The following ADAMTSL1 variants were observed in gnomAD, a reference collection of about 807,000 sequenced individuals.
ADAMTSL1 encodes the protein ADAMTS like 1.
Under a neutral mutation model 201.8 loss-of-function variants are expected in ADAMTSL1, and 126 were observed. That is an observed-to-expected ratio of 0.62 (90% CI 0.54 to 0.72). ADAMTSL1 has a LOEUF of 0.72. Among genes scored for constraint, ADAMTSL1 ranks in the 30% least tolerant of loss-of-function variants. The pLI is 0.00. For synonymous variants in ADAMTSL1, 1,121 were observed against 903.4 expected (o/e 1.24, Z -4.32); for missense variants, 2,679 against 2,277.8 (o/e 1.18, Z -3.59).
At chr9:18,647,054 C>T (rs1199510724) in intron 7 of ADAMTSL1, among the ~76,000 whole-genome samples, 3 of 152,014 alleles carry the variant, frequency 2.0e-5, no homozygotes, top group African/African-American at 4.8e-5. Flanking sequence ...TTGATTATTG[C>T]CACAATTTCA....
Position 18,293,661 on chromosome 9 carries a change from T to C in ADAMTSL1, c.207+129680T>C, listed in dbSNP as rs576043636. Among the ~76,000 whole-genome samples the C allele has an allele frequency of 7.2e-5, 11 of 152,330 alleles. No homozygotes were observed. The South Asian group carries it at 1.9e-3, about 26-fold the overall frequency. ...GGAAGATAAGACACTGAGCACTTCA[T>C]ATGCAATTTGGCCTTATTTCCCCTC... On this transcript the variant is annotated intron_variant, in intron 2 of 29. Transcript: ENST00000680146.
At chr9:18,506,387 A>G (rs2185376) in intron 2 of ADAMTSL1, among the ~76,000 whole-genome samples, 1,538 of 152,316 alleles carry the variant, frequency 0.01, 21 homozygotes, top group African/African-American at 0.031. Flanking sequence ...GCATCCTTGA[A>G]TATTTTATAG....
chr9:18,565,443 T>A (rs1315266510), intron 3 of ADAMTSL1, among the ~76,000 whole-genome samples: 3 of 152,160 alleles, frequency 2.0e-5, no homozygotes, highest in African/African-American at 7.2e-5. Context: ...ACTTGAGAGT[T>A]TGGGGGAAAA....
chr9:18,732,965 C>G (rs1486031035), intron 15 of ADAMTSL1, among the ~76,000 whole-genome samples: 1 of 152,206 alleles, frequency 6.6e-6, no homozygotes, highest in African/African-American at 2.4e-5. Context: ...CCTATCCTAA[C>G]TTTACAGCTG....
intron 1 of ADAMTSL1, among the ~76,000 whole-genome samples, chr9:18,033,784 G>A (rs1452634167): frequency 2.0e-5 from 3 of 152,180 alleles, no homozygotes; most frequent in East Asian, 3.9e-4. Flanking sequence ...CAGCCCTTGA[G>A]TATACCCATT....
intron 25 of ADAMTSL1, among the ~76,000 whole-genome samples, chr9:18,890,235 G>C (rs902077166): frequency 6.6e-6 from 1 of 152,222 alleles, no homozygotes; most frequent in South Asian, 2.1e-4. Context: ...TTTCTACAAA[G>C]GCTTGCGTCT....
intron 2 of ADAMTSL1, among the ~76,000 whole-genome samples, chr9:18,299,050 G>GT (rs201059269): frequency 0.024 from 3,602 of 151,858 alleles, 155 homozygotes; most frequent in African/African-American, 0.079. Context: ...AATAGCCGCC[G>GT]TTTTTGCTAA....
At chr9:18,742,282 G>A (rs1442824956) in intron 15 of ADAMTSL1, among the ~76,000 whole-genome samples, 1 of 152,192 alleles carries the variant, frequency 6.6e-6, no homozygotes, top group African/African-American at 2.4e-5. Flanking sequence ...GGGTTTTAGT[G>A]AGTAATGCCA....
intron 2 of ADAMTSL1, among the ~76,000 whole-genome samples, chr9:18,418,198 C>G (rs1001465003): frequency 2.6e-5 from 4 of 152,124 alleles, no homozygotes; most frequent in East Asian, 1.9e-4. Flanking sequence ...TTTCTTCTAA[C>G]TGATAAAGAG....
At chr9:18,088,908 C>T (rs766553434) in intron 1 of ADAMTSL1, among the ~76,000 whole-genome samples, 1 of 152,138 alleles carries the variant, frequency 6.6e-6, no homozygotes, top group Non-Finnish European at 1.5e-5. Context: ...GATTTGAAAT[C>T]AGGATCTCAA....
intron 2 of ADAMTSL1, among the ~76,000 whole-genome samples, chr9:18,365,201 T>C (rs1189978419): frequency 6.6e-6 from 1 of 152,200 alleles, no homozygotes; most frequent in East Asian, 1.9e-4. Flanking sequence ...TTGTAGCATG[T>C]ATTTTCAATG....
intron 2 of ADAMTSL1, among the ~76,000 whole-genome samples, chr9:18,299,606 G>T (rs530027709): frequency 6.6e-6 from 1 of 152,118 alleles, no homozygotes; most frequent in African/African-American, 2.4e-5. Flanking sequence ...ATAATGGGAC[G>T]TGCTCACCAG....
chr9:18,428,998 A>T (rs965883230), intron 2 of ADAMTSL1, among the ~76,000 whole-genome samples: 3 of 152,200 alleles, frequency 2.0e-5, no homozygotes, highest in Non-Finnish European at 4.4e-5. Flanking sequence ...AGTCAGCTAT[A>T]AGTTCCAATG....
intron 1 of ADAMTSL1, among the ~76,000 whole-genome samples, chr9:17,957,118 T>C (rs1827963002): frequency 6.6e-6 from 1 of 152,178 alleles, no homozygotes; most frequent in South Asian, 2.1e-4. Flanking sequence ...AGAAAACTGA[T>C]ATTAGAAAGA....
intron 2 of ADAMTSL1, among the ~76,000 whole-genome samples, chr9:18,180,915 A>G (rs1350640679): frequency 6.6e-6 from 1 of 152,230 alleles, no homozygotes; most frequent in Admixed American, 6.5e-5. Context: ...CCAAAACAGC[A>G]TGGTACTGGT....
chr9:18,232,443 G>A (rs768676870), intron 2 of ADAMTSL1, among the ~76,000 whole-genome samples: 14 of 152,020 alleles, frequency 9.2e-5, no homozygotes, highest in East Asian at 3.9e-4. Flanking sequence ...ATGTTTTTCC[G>A]TTTAAAACTT....
At chr9:18,197,587 A>G (rs1055087969) in intron 2 of ADAMTSL1, among the ~76,000 whole-genome samples, 4 of 147,100 alleles carry the variant, frequency 2.7e-5, no homozygotes, top group African/African-American at 7.6e-5. Context: ...GGGCTGAGAC[A>G]ATGCGGTTTT....
chr9:18,740,264 A>T (rs146895455), intron 15 of ADAMTSL1, among the ~76,000 whole-genome samples: 4 of 152,158 alleles, frequency 2.6e-5, no homozygotes, highest in Admixed American at 1.3e-4. Flanking sequence ...AGCCTAATCT[A>T]TGAGGCTGTG....
chr9:18,203,801 C>G (rs1292490560), intron 2 of ADAMTSL1, among the ~76,000 whole-genome samples: 1 of 151,982 alleles, frequency 6.6e-6, no homozygotes, highest in Non-Finnish European at 1.5e-5. Flanking sequence ...AAGTATGGCT[C>G]CGATTTGGCC....
Sources: gnomAD v4.1 joint callset for allele counts (sites outside exome capture counted in the v4.1 genomes callset) on GRCh38, gnomAD v4.1.1 for gene constraint, MANE v1.5 for transcripts, NCBI Gene and HGNC (gene_info 2026-07-23, HGNC 2026-07-21) for gene names.